Variants in PXYLP1 observed in about 807,000 individuals in gnomAD.
The protein encoded by PXYLP1 is 2-phosphoxylose phosphatase 1, also known as acid phosphatase-like 2.
A neutral mutation model predicts 37.9 loss-of-function variants in PXYLP1; 17 were observed. The ratio of observed to expected loss-of-function variants is 0.45; its 90% CI spans 0.31 to 0.67. PXYLP1 has a LOEUF of 0.67. PXYLP1 is among the 30% of genes least tolerant of loss of function. The pLI is 0.07. For missense variants in PXYLP1, 511 were observed against 612.0 expected (o/e 0.84, Z 1.74); for synonymous variants, 221 against 232.2 (o/e 0.95, Z 0.44).
intron 2 of PXYLP1, among the ~76,000 whole-genome samples, chr3:141,277,599 C>T (rs1941827437): frequency 6.6e-6 from 1 of 152,234 alleles, no homozygotes; most frequent in South Asian, 2.1e-4. Flanking sequence ...CCCATTACTA[C>T]CCTTATTGAC....
rs1243600795 is a variant in PXYLP1 at position 141,293,158 on chromosome 3, G to A, written c.1396G>A (p.Gly466Ser). The A allele has an allele frequency of 6.2e-7, 1 of 1,614,056 alleles. No individual in the cohort carries two copies. The highest frequency in any genetic ancestry group is 1.7e-5 in the Admixed American group (1 of 60,024). ...VKRDMFVALG[G>S]SGTNYYDACH... ...AAGGGACATGTTTGTAGCCCTGGGT[G>A]GCAGTGGTACAAATTATTATGATGC... Residue 466 changes from glycine (G) to serine (S), a missense_variant, in exon 6 of 6, where the codon GGC becomes AGC. Transcript: ENST00000286353.
At chr3:141,240,717 A>T (rs143828068) in intron 1 of PXYLP1, among the ~76,000 whole-genome samples, 329 of 152,238 alleles carry the variant, frequency 2.2e-3, no homozygotes, top group African/African-American at 7.6e-3. Context: ...TTGAGGGGCT[A>T]GTGGGGGTGT....
chr3:141,287,262 T>C, intron 4 of PXYLP1, 52 bp from the exon 5 acceptor site: 1 of 1,588,624 alleles, frequency 6.3e-7, no homozygotes, highest in South Asian at 1.1e-5. Context: ...TGGAAACTGT[T>C]TGGATTCTTG....
chr3:141,286,127 C>CT (rs1197611828), intron 4 of PXYLP1, among the ~76,000 whole-genome samples: 2 of 152,152 alleles, frequency 1.3e-5, no homozygotes, highest in African/African-American at 4.8e-5. Context: ...ATGAACTACT[C>CT]TATCTGTCCA....
chr3:141,262,779 ATTTAT>A, intron 2 of PXYLP1: 7 of 1,217,602 alleles, frequency 5.7e-6, no homozygotes, highest in Non-Finnish European at 8.2e-6. Flanking sequence ...TAATTGCTCC[ATTTAT>A]TTAATTGCTT....
intron 1 of PXYLP1, among the ~76,000 whole-genome samples, chr3:141,259,505 C>G (rs1001290736): frequency 1.3e-5 from 2 of 151,862 alleles, no homozygotes; most frequent in Non-Finnish European, 2.9e-5. Context: ...CAGGACGAGG[C>G]TTCCAGAAGA....
chr3:141,250,551 A>G (rs1402847210), intron 1 of PXYLP1, among the ~76,000 whole-genome samples: 3 of 152,228 alleles, frequency 2.0e-5, no homozygotes, highest in African/African-American at 7.2e-5. Flanking sequence ...GAGTGTGGGC[A>G]CATGACACAC....
chr3:141,294,821 T>C lies in PXYLP1; in HGVS notation c.*1616T>C, dbSNP rs151231533. On this transcript the variant is annotated 3_prime_UTR_variant, in exon 6 of 6. Transcript: ENST00000286353. ...CTCTCAAGTATTCAAAGACTAAATG[T>C]GTTTTCTTTCCTTCCCACTCACAAT... 85 of 152,360 alleles carry C rather than the reference T, an allele frequency of 5.6e-4. 1 individual carries two copies. Among genetic ancestry groups the C allele is most frequent in the African/African-American group, 1.9e-3 (77 of 41,592 alleles). The allele number at this position is 152,360 out of a possible 1,614,324, so 9.4% of individuals were successfully genotyped here. A position where few individuals can be genotyped will look rare whatever the true frequency, so the allele number is the denominator to read the frequency against.
chr3:141,290,325 C>T (rs750165018), intron 5 of PXYLP1, among the ~76,000 whole-genome samples: 21 of 152,204 alleles, frequency 1.4e-4, no homozygotes, highest in African/African-American at 3.6e-4. Flanking sequence ...GCCTTGGAGT[C>T]AGACAGACCT....
At chr3:141,242,290 A>G (rs1940823675) in intron 1 of PXYLP1, among the ~76,000 whole-genome samples, 1 of 152,162 alleles carries the variant, frequency 6.6e-6, no homozygotes, top group Admixed American at 6.5e-5. Context: ...GACTGGCCTG[A>G]TTAGAGGGGC....
chr3:141,267,983 A>G (rs1220218129), intron 2 of PXYLP1, among the ~76,000 whole-genome samples: 2 of 152,112 alleles, frequency 1.3e-5, no homozygotes, highest in African/African-American at 4.8e-5. Flanking sequence ...GGGGATAGAG[A>G]TATCTGTTTA....
chr3:141,237,746 T>C (rs951504470), intron 1 of PXYLP1, among the ~76,000 whole-genome samples: 2 of 152,146 alleles, frequency 1.3e-5, no homozygotes, highest in East Asian at 3.9e-4. Flanking sequence ...CAGAGGACAT[T>C]ATATTTCAGT....
rs572724030 is a variant in PXYLP1 at position 141,278,209 on chromosome 3, G to A, written c.80-133G>A. ...CTTCTTGAATGGGAAGCTGACTTCT[G>A]CTCCACTGAAGTGCACCTTGATTCT... On this transcript the variant is annotated intron_variant, in intron 2 of 5. Transcript: ENST00000286353. 11 of 1,021,594 alleles carry A rather than the reference G, an allele frequency of 1.1e-5. No homozygotes were observed. In the African/African-American group the frequency reaches 1.8e-4, roughly 16 times the overall value. The allele number at this position is 1,021,594 out of a possible 1,614,324, so 63.3% of individuals were successfully genotyped here.
intron 4 of PXYLP1, among the ~76,000 whole-genome samples, chr3:141,284,020 A>G (rs1319828081): frequency 6.6e-6 from 1 of 152,134 alleles, no homozygotes; most frequent in Non-Finnish European, 1.5e-5. Flanking sequence ...CCACAATAAT[A>G]TGAGTTTTTC....
intron 1 of PXYLP1, among the ~76,000 whole-genome samples, chr3:141,242,795 C>G (rs1940842283): frequency 6.6e-6 from 1 of 152,182 alleles, no homozygotes; most frequent in African/African-American, 2.4e-5. Flanking sequence ...CAGGATGGAT[C>G]TCATCTAATC....
At position 141,278,404 on chromosome 3, in the gene PXYLP1, A is replaced by T; in HGVS notation, c.142A>T (p.Met48Leu). The T allele has an allele frequency of 6.2e-7, 1 of 1,614,212 alleles. No individual in the cohort carries two copies. Among genetic ancestry groups the T allele is most frequent in the Non-Finnish European group, 8.5e-7 (1 of 1,180,036 alleles). The stretch of plus-strand genomic sequence containing the variant: ...GAGTAGCAAGAGTCGAAAGAGAATC[A>T]TGCCCGACCCTGTGACGGAGCCCCC... Reference protein sequence around the residue: ...GMSSKSRKRIMPDPVTEPPVT... With the variant: ...GMSSKSRKRILPDPVTEPPVT... Residue 48 changes from methionine to leucine, a missense_variant, in exon 3 of 6, where the codon ATG (methionine) becomes TTG (leucine). Physicochemically the swap from Met to Leu is conservative, Grantham distance 15. Coordinates refer to ENST00000286353, the MANE Select transcript of PXYLP1 (RefSeq NM_001037172.3).
At chr3:141,250,607 G>A (rs1941119746) in intron 1 of PXYLP1, among the ~76,000 whole-genome samples, 1 of 152,220 alleles carries the variant, frequency 6.6e-6, no homozygotes. Context: ...GGGATTTCTG[G>A]AGAAGGCTTC....
At chr3:141,243,087 T>C (rs1321450930) in intron 1 of PXYLP1, among the ~76,000 whole-genome samples, 10 of 152,164 alleles carry the variant, frequency 6.6e-5, no homozygotes, top group African/African-American at 2.4e-4. Context: ...CCATGAGCTG[T>C]GACTTGGGGA....
At chr3:141,279,270 C>G (rs1021163418) in intron 3 of PXYLP1, 108 bp from the exon 4 acceptor site, 15 of 1,442,912 alleles carry the variant, frequency 1.0e-5, no homozygotes, top group Non-Finnish European at 1.4e-5. Context: ...CCTGCTGCCT[C>G]CGGCTCAGAT....
Sources: gnomAD v4.1 joint callset for allele counts (sites outside exome capture counted in the v4.1 genomes callset) on GRCh38, gnomAD v4.1.1 for gene constraint, MANE v1.5 for transcripts, NCBI Gene and HGNC (gene_info 2026-07-23, HGNC 2026-07-21) for gene names.